SEMA3E: variants seen among roughly 807,000 people sequenced by gnomAD.
The protein encoded by SEMA3E is semaphorin 3E.
In SEMA3E, 49 loss-of-function variants were observed where a neutral mutation model predicts 93.6. The ratio of observed to expected loss-of-function variants is 0.52; its 90% CI spans 0.42 to 0.66. The LOEUF is 0.66. SEMA3E is among the 30% of genes least tolerant of loss of function. The pLI, the probability that SEMA3E is intolerant of heterozygous loss-of-function variation, is 0.00. For synonymous variants in SEMA3E, 363 were observed against 330.7 expected (o/e 1.10, Z -1.06); for missense variants, 906 against 964.8 (o/e 0.94, Z 0.81).
At position 83,533,013 on chromosome 7, in the gene SEMA3E, C is replaced by T. The variant is rs958016214; in HGVS notation, c.116-42739G>A. Among the ~76,000 whole-genome samples, 5 of 152,192 alleles carry T rather than the reference C, an allele frequency of 3.3e-5. No individual in the cohort carries two copies. The South Asian group carries it at 1.0e-3, about 32-fold the overall frequency. On this transcript the variant is annotated intron_variant, in intron 1 of 16. Transcript: ENST00000643230. ...TTACATGGTTTCCTCATTCACCTCCCTCCACCCCACAAATCTCTAGGATTC... is the reference window on the plus strand; with the variant it reads ...TTACATGGTTTCCTCATTCACCTCCTTCCACCCCACAAATCTCTAGGATTC...
intron 16 of SEMA3E, among the ~76,000 whole-genome samples, chr7:83,379,323 T>C (rs1308444005): frequency 1.3e-5 from 2 of 151,568 alleles, no homozygotes; most frequent in Non-Finnish European, 2.9e-5. Context: ...ATGGGTACAC[T>C]AAAAGGCCAG....
chr7:83,543,335 G>C (rs1442628698), intron 1 of SEMA3E, among the ~76,000 whole-genome samples: 1 of 150,974 alleles, frequency 6.6e-6, no homozygotes, highest in Admixed American at 6.6e-5. Flanking sequence ...TCCAAAAGCA[G>C]CAATAAAATA....
chr7:83,529,296 T>C lies in SEMA3E; in HGVS notation c.116-39022A>G, dbSNP rs542966992. On this transcript the variant is annotated intron_variant, in intron 1 of 16. Transcript: ENST00000643230. ...TTCAGTTATTGTGTTAATACATTTGTCCTAGTTTGCCCATGACCTTGCTTT... is the reference window on the plus strand; with the variant it reads ...TTCAGTTATTGTGTTAATACATTTGCCCTAGTTTGCCCATGACCTTGCTTT... Among the ~76,000 whole-genome samples the C allele has an allele frequency of 2.6e-5, 4 of 152,232 alleles. No homozygotes were observed. In the South Asian group the frequency reaches 6.2e-4, roughly 24 times the overall value.
chr7:83,615,072 C>T (rs948050334), intron 1 of SEMA3E, among the ~76,000 whole-genome samples: 5 of 152,050 alleles, frequency 3.3e-5, no homozygotes, highest in Non-Finnish European at 7.4e-5. Flanking sequence ...GATACAACTC[C>T]TGCTCTAACA....
intron 1 of SEMA3E, among the ~76,000 whole-genome samples, chr7:83,586,276 G>A (rs1179142831): frequency 2.6e-5 from 4 of 152,132 alleles, no homozygotes; most frequent in African/African-American, 9.7e-5. Context: ...AATAGAAAGA[G>A]AAACGCATTT....
intron 1 of SEMA3E, among the ~76,000 whole-genome samples, chr7:83,641,646 C>A (rs2115712584): frequency 6.6e-6 from 1 of 152,242 alleles, no homozygotes; most frequent in Non-Finnish European, 1.5e-5. Context: ...ATTCTTTGCT[C>A]CTTCTAGTTA....
At chr7:83,430,904 A>G (rs1788867633) in intron 4 of SEMA3E, among the ~76,000 whole-genome samples, 1 of 152,154 alleles carries the variant, frequency 6.6e-6, no homozygotes, top group Non-Finnish European at 1.5e-5. Flanking sequence ...TACGAAACCA[A>G]AAGTTACTAT....
intron 4 of SEMA3E, among the ~76,000 whole-genome samples, chr7:83,421,962 G>C (rs971216984): frequency 6.6e-6 from 1 of 152,166 alleles, no homozygotes; most frequent in African/African-American, 2.4e-5. Flanking sequence ...CACATCACCT[G>C]AGGTTGGGAG....
At position 83,426,860 on chromosome 7, in the gene SEMA3E, GAAC is replaced by G. The variant is rs533762189; in HGVS notation, c.457-8380_457-8378del. On this transcript the variant is annotated intron_variant, in intron 4 of 16. Transcript: ENST00000643230. ...TTTAGTAAAACTGATTAGATTAGTA[GAAC>G]AACTAATCTAGTTGTTCTAGACACA... Among the ~76,000 whole-genome samples the G allele has an allele frequency of 9.3e-4, 141 of 152,028 alleles. 2 individuals carry two copies. The highest frequency in any genetic ancestry group is 3.3e-3 in the African/African-American group (138 of 41,476).
intron 1 of SEMA3E, among the ~76,000 whole-genome samples, chr7:83,642,828 T>C (rs1794032097): frequency 6.6e-6 from 1 of 152,090 alleles, no homozygotes; most frequent in Non-Finnish European, 1.5e-5. Flanking sequence ...GGTATAATTT[T>C]AGTTTAGTTT....
chr7:83,372,577 T>C (rs537217159), intron 16 of SEMA3E: 51 of 262,306 alleles, frequency 1.9e-4, no homozygotes, highest in African/African-American at 1.1e-3. Flanking sequence ...AACCCAAGTT[T>C]GAGAAACACT....
At chr7:83,409,157 A>C (rs1390527508) in intron 5 of SEMA3E, among the ~76,000 whole-genome samples, 1 of 152,190 alleles carries the variant, frequency 6.6e-6, no homozygotes, top group Non-Finnish European at 1.5e-5. Flanking sequence ...CACAGTCTTA[A>C]AATCAGACTG....
At chr7:83,454,272 A>AAAAAAT (rs1257792756) in intron 4 of SEMA3E, among the ~76,000 whole-genome samples, 15 of 110,110 alleles carry the variant, frequency 1.4e-4, no homozygotes, top group African/African-American at 5.2e-4. Context: ...AAAAAAAAAA[A>AAAAAAT]ATATATATAT....
intron 1 of SEMA3E, among the ~76,000 whole-genome samples, chr7:83,556,087 A>G (rs1791881082): frequency 6.6e-6 from 1 of 152,150 alleles, no homozygotes; most frequent in African/African-American, 2.4e-5. Context: ...AAACATTTAT[A>G]TGTTTACATT....
intron 16 of SEMA3E, among the ~76,000 whole-genome samples, chr7:83,368,469 G>C (rs1794706884): frequency 6.6e-6 from 1 of 152,026 alleles, no homozygotes; most frequent in Non-Finnish European, 1.5e-5. Context: ...CATTCTTTCA[G>C]GAATGATTAT....
chr7:83,363,953 G>T lies in SEMA3E; in HGVS notation c.*3633C>A, dbSNP rs1222109359. 3 of 124,510 alleles carry T rather than the reference G, an allele frequency of 2.4e-5. No individual in the cohort carries two copies. In the Admixed American group the frequency reaches 3.3e-4, roughly 14 times the overall value. 7.7% of individuals were successfully genotyped at this position (124,510 alleles called of 1,614,324 possible). On this transcript the variant is annotated 3_prime_UTR_variant, in exon 17 of 17. Transcript: ENST00000643230. ...CCCAGGCCGGACTGCGGACTGCAGT[G>T]GCGCAATCTCGGCTCACTGCAAGCT...
At chr7:83,399,204 A>T (rs1282833147) in intron 11 of SEMA3E, among the ~76,000 whole-genome samples, 1 of 152,188 alleles carries the variant, frequency 6.6e-6, no homozygotes, top group East Asian at 1.9e-4. Flanking sequence ...ACAATGAAAG[A>T]ATCATTTTAA....
At chr7:83,616,883 C>T (rs540240740) in intron 1 of SEMA3E, among the ~76,000 whole-genome samples, 14 of 152,222 alleles carry the variant, frequency 9.2e-5, no homozygotes, top group Non-Finnish European at 1.6e-4. Context: ...TGCCACCACA[C>T]CTGGCTAGTT....
intron 1 of SEMA3E, among the ~76,000 whole-genome samples, chr7:83,497,600 T>A (rs545371729): frequency 6.6e-6 from 1 of 152,346 alleles, no homozygotes; most frequent in Non-Finnish European, 1.5e-5. Context: ...TTGATGATTT[T>A]GACAGATTTG....
Sources: allele counts gnomAD v4.1 joint callset (sites outside exome capture counted in the v4.1 genomes callset), GRCh38; gene constraint gnomAD v4.1.1; transcripts MANE v1.5; gene names NCBI Gene and HGNC (gene_info 2026-07-23, HGNC 2026-07-21).